The following ZNF234 variants were observed in gnomAD, a reference collection of about 807,000 sequenced individuals.
ZNF234 encodes the protein zinc finger protein 234, also known as C2-H2 type zinc finger protein.
In ZNF234, 4 loss-of-function variants were observed where a neutral mutation model predicts 10.3. That is an observed-to-expected ratio of 0.39 (90% confidence interval 0.19 to 0.89). The LOEUF is 0.89. Among genes scored for constraint, ZNF234 ranks in the 40% least tolerant of loss-of-function variants. The pLI, the probability that ZNF234 is intolerant of heterozygous loss-of-function variation, is 0.38. For synonymous variants in ZNF234, 258 were observed against 280.1 expected (o/e 0.92, Z 0.79); for missense variants, 711 against 836.1 (o/e 0.85, Z 1.85).
chr19:44,141,966 C>G lies in ZNF234; in HGVS notation c.-131+233C>G, dbSNP rs900853579. 7 of 152,340 alleles carry G rather than the reference C, an allele frequency of 4.6e-5. No individual in the cohort carries two copies. Among genetic ancestry groups the G allele is most frequent in the African/African-American group, 1.4e-4 (6 of 41,456 alleles). The allele number at this position is 152,340 out of a possible 1,614,324, so 9.4% of individuals were successfully genotyped here. On this transcript the variant is annotated intron_variant, in intron 1 of 5. Transcript: ENST00000426739. This position sits in a 1 kb window ranked among gnomAD's most constrained non-coding sequence, Gnocchi z 4.6. ...TTGGCGTGTTAATCTCCCTGGGCCT[C>G]TCCTTGCTGTTCTTTAAAATGGGGA... is the stretch of plus-strand genomic sequence containing the variant.
intron 5 of ZNF234, 21 bp downstream of exon 5, chr19:44,150,526 A>T: frequency 6.5e-7 from 1 of 1,547,536 alleles, no homozygotes. Context: ...AGCAGCTAAG[A>T]GTCCTTGTAC....
chr19:44,148,122 A>G (rs1345543541), intron 3 of ZNF234, among the ~76,000 whole-genome samples: 2 of 152,192 alleles, frequency 1.3e-5, no homozygotes, highest in Non-Finnish European at 2.9e-5. Context: ...TTCTTTTTCA[A>G]CGTTTGAAAG....
intron 3 of ZNF234, 126 bp downstream of exon 3, chr19:44,144,773 G>C (rs1016374703): frequency 2.5e-6 from 2 of 798,242 alleles, no homozygotes; most frequent in Non-Finnish European, 3.6e-6. Context: ...TCTGCCTTTT[G>C]AGTTGACTTT....
rs779895567 is a variant in ZNF234, at chr19:44,156,507, A to T, written c.491A>T (p.Asp164Val). The T allele has an allele frequency of 1.7e-5, 28 of 1,614,114 alleles. No homozygotes were observed. Among genetic ancestry groups the T allele is most frequent in the South Asian group, 5.5e-5 (5 of 91,092 alleles). ...KKSFTDVFNF[D>V]LHQQLHSGEK... ...TCCTTCACTGATGTCTTCAACTTTG[A>T]TCTTCATCAACAGTTACACTCAGGA... Residue 164 changes from aspartate to valine, a missense_variant, in exon 6 of 6, where the codon GAT (aspartate) becomes GTT (valine). Physicochemically the swap from Asp to Val is radical, Grantham distance 152. Transcript: ENST00000426739.
Position 44,150,463 on chromosome 19 carries a change from C to T in ZNF234, c.193C>T (p.Leu65Phe), listed in dbSNP as rs1968712614. Reference protein sequence around the residue: ...DVFLLEKEKKLDIMKTATQRK... With the variant: ...DVFLLEKEKKFDIMKTATQRK... Reference sequence around the variant, plus strand: ...ATTCCTTTTAGAAAAGGAAAAAAAGCTTGATATAATGAAGACAGCAACTCA... The same window carrying T: ...ATTCCTTTTAGAAAAGGAAAAAAAGTTTGATATAATGAAGACAGCAACTCA... Residue 65 changes from leucine to phenylalanine, a missense_variant, in exon 5 of 6, where the codon CTT (leucine) becomes TTT (phenylalanine). Transcript: ENST00000426739. 1.3e-6 allele frequency: 2 copies of T among 1,590,332 alleles called. No individual in the cohort carries two copies. The highest frequency in any genetic ancestry group is 2.3e-5 in the South Asian group (2 of 87,246).
rs1201848820 is a variant in ZNF234 at position 44,156,104 on chromosome 19, A to T, written c.236-148A>T. The T allele has an allele frequency of 4.5e-6, 3 of 664,064 alleles. No individual in the cohort carries two copies. The African/African-American group carries it at 5.5e-5, about 12-fold the overall frequency. The allele number at this position is 664,064 out of a possible 1,614,324, so 41.1% of individuals were successfully genotyped here. On this transcript the variant is annotated intron_variant, in intron 5 of 5. Coordinates refer to ENST00000426739, the MANE Select transcript of ZNF234 (RefSeq NM_006630.3). ...ACCTCTTGATTTATCTAGGCATGGAAATCAGAGATCATGATACACAGTGGA... is the reference window on the plus strand; with the variant it reads ...ACCTCTTGATTTATCTAGGCATGGATATCAGAGATCATGATACACAGTGGA...
intron 5 of ZNF234, among the ~76,000 whole-genome samples, chr19:44,155,302 C>T (rs1258217215): frequency 2.6e-5 from 4 of 152,132 alleles, no homozygotes; most frequent in African/African-American, 7.2e-5. Flanking sequence ...GACACCAACT[C>T]CCCTCACAGT....
intron 5 of ZNF234, among the ~76,000 whole-genome samples, chr19:44,153,475 C>T (rs1194586861): frequency 1.3e-5 from 2 of 151,914 alleles, no homozygotes; most frequent in South Asian, 2.1e-4. Flanking sequence ...AGTTTCTATC[C>T]TGGTTCTTTT....
Position 44,151,242 on chromosome 19 carries a change from G to C in ZNF234, c.235+737G>C, listed in dbSNP as rs1481051307. 2.0e-5 allele frequency among the ~76,000 whole-genome samples: 3 copies of C among 151,776 alleles called. No individual in the cohort carries two copies. The South Asian group carries it at 6.3e-4, about 32-fold the overall frequency. ...TGGTAAGGACATTGCTCGCTCTGTCGCCCAGGCTGGAGTATAGTGGTGCAA... is the reference window on the plus strand; with the variant it reads ...TGGTAAGGACATTGCTCGCTCTGTCCCCCAGGCTGGAGTATAGTGGTGCAA... On this transcript the variant is annotated intron_variant, in intron 5 of 5. Transcript: ENST00000426739.
rs1235269564 is a variant in ZNF234 at position 44,158,123 on chromosome 19, A to AG, written c.*4_*5insG. 5 of 1,552,322 alleles carry AG rather than the reference A, an allele frequency of 3.2e-6. No homozygotes were observed. The highest frequency in any genetic ancestry group is 3.4e-4 in the Middle Eastern group (2 of 5,806). Reference sequence around the variant, plus strand: ...GGGAGGAAGTTCTACAAGGTGATTAAAAAAAAAAAAACAGAACTCATGTAC... The same window carrying AG: ...GGGAGGAAGTTCTACAAGGTGATTAAGAAAAAAAAAAACAGAACTCATGTAC... On this transcript the variant is annotated 3_prime_UTR_variant, in exon 6 of 6. Transcript: ENST00000426739.
Position 44,158,258 on chromosome 19 carries a change from GTT to G in ZNF234, c.*144_*145del. ...CACATTTCCACCTAGACTTTTTTTT[GTT>G]TTTTATTTTTTGTTTTGAAACAGAA... On this transcript the variant is annotated 3_prime_UTR_variant, in exon 6 of 6. Coordinates refer to ENST00000426739, the MANE Select transcript of ZNF234 (RefSeq NM_006630.3). The G allele has an allele frequency of 1.9e-6, 2 of 1,034,542 alleles. No individual in the cohort carries two copies. Among genetic ancestry groups the G allele is most frequent in the Non-Finnish European group, 2.9e-6 (2 of 681,662 alleles). The allele number at this position is 1,034,542 out of a possible 1,614,324, so 64.1% of individuals were successfully genotyped here. A position where few individuals can be genotyped will look rare whatever the true frequency, so the allele number is the denominator to read the frequency against.
At position 44,159,100 on chromosome 19, in the gene ZNF234, C is replaced by T. The variant is rs1481215458; in HGVS notation, c.*981C>T. The T allele has an allele frequency of 1.3e-5, 2 of 152,240 alleles. No homozygotes were observed. The highest frequency in any genetic ancestry group is 4.8e-5 in the African/African-American group (2 of 41,444). 9.4% of individuals were successfully genotyped at this position (152,240 alleles called of 1,614,324 possible). On this transcript the variant is annotated 3_prime_UTR_variant, in exon 6 of 6. Transcript: ENST00000426739. ...TTGACACCTGTCCTCTCTGTAGTCT[C>T]TTCTCTCAAATTTGGTTCTTATTGA...
chr19:44,153,071 T>C (rs1193573665), intron 5 of ZNF234, among the ~76,000 whole-genome samples: 3 of 151,152 alleles, frequency 2.0e-5, no homozygotes, highest in African/African-American at 7.3e-5. Flanking sequence ...AGAAACTTCT[T>C]GCTCAAAATT....
Position 44,158,482 on chromosome 19 carries a change from G to A in ZNF234, c.*363G>A. 1.4e-5 allele frequency: 4 copies of A among 293,118 alleles called. No homozygotes were observed. Among genetic ancestry groups the A allele is most frequent in the Non-Finnish European group, 2.0e-5 (3 of 151,578 alleles). 18.2% of individuals were successfully genotyped at this position (293,118 alleles called of 1,614,324 possible). A position where few individuals can be genotyped will look rare whatever the true frequency, so the allele number is the denominator to read the frequency against. ...TGGTCTCAAACTCCTGACCTCATGT[G>A]ATCCACCCACCTCGGCCTCCCAAAG... is the stretch of plus-strand genomic sequence containing the variant. On this transcript the variant is annotated 3_prime_UTR_variant, in exon 6 of 6. Transcript: ENST00000426739.
Position 44,156,697 on chromosome 19 carries a change from T to C in ZNF234, c.681T>C (p.Thr227=), listed in dbSNP as rs746389020. 6.2e-7 allele frequency: 1 copy of C among 1,614,002 alleles called. No homozygotes were observed. Among genetic ancestry groups the C allele is most frequent in the African/African-American group, 1.3e-5 (1 of 74,904 alleles). Residue 227 remains threonine, a synonymous_variant, in exon 6 of 6, where the codon ACT becomes ACC. Coordinates refer to ENST00000426739, the MANE Select transcript of ZNF234 (RefSeq NM_006630.3). ...SHLQTHQRVH[T]VEKPFKCVEC... ...TTCAAACTCATCAGAGAGTCCACAC[T>C]GTAGAGAAACCATTCAAATGTGTGG...
chr19:44,145,376 T>C (rs1343686568), intron 3 of ZNF234, among the ~76,000 whole-genome samples: 2 of 152,248 alleles, frequency 1.3e-5, no homozygotes, highest in East Asian at 3.8e-4. Context: ...TTAAGAATTT[T>C]ATTGTTTTAC....
chr19:44,157,164 A>G lies in ZNF234; in HGVS notation c.1148A>G (p.Tyr383Cys). The change falls in exon 6 of 6, where the codon TAC becomes TGC. Residue 383 changes from tyrosine (Y) to cysteine (C), a missense_variant. Physicochemically the swap from Tyr to Cys is radical, Grantham distance 194. Coordinates refer to ENST00000426739, the MANE Select transcript of ZNF234 (RefSeq NM_006630.3). ...AAAGTGTGTGGTAAGGGTTTCATTT[A>G]CAGTTCAAGTTTTCAGGCCCATCAG... ...VCKVCGKGFI[Y>C]SSSFQAHQGV... 1.2e-6 allele frequency: 2 copies of G among 1,614,160 alleles called. No homozygotes were observed. The highest frequency in any genetic ancestry group is 2.2e-5 in the South Asian group (2 of 91,084).
At chr19:44,144,857 C>T (rs1968552931) in intron 3 of ZNF234, among the ~76,000 whole-genome samples, 3 of 152,104 alleles carry the variant, frequency 2.0e-5, no homozygotes, top group South Asian at 2.1e-4. Context: ...AGGGGTTTTG[C>T]GTCTTTGAAT....
In ZNF234 at chr19:44,157,871, A is replaced by C. The variant is rs753522817; in HGVS notation, c.1855A>C (p.Thr619Pro). The C allele has an allele frequency of 1.2e-6, 2 of 1,614,204 alleles. No individual in the cohort carries two copies. Among genetic ancestry groups the C allele is most frequent in the Non-Finnish European group, 1.7e-6 (2 of 1,180,038 alleles). The change falls in exon 6 of 6, where the codon ACA (threonine) becomes CCA (proline). Residue 619 changes from threonine to proline, a missense_variant. By Grantham distance (38) the Thr-to-Pro change is conservative. Coordinates refer to ENST00000426739, the MANE Select transcript of ZNF234 (RefSeq NM_006630.3). ...TCTCCAACTTCATCAGAGTGTCCAC[A>C]CAGGAGAGAAACCATACAAATGTGA... ...SSLQLHQSVH[T>P]GEKPYKCDVC...
Sources: allele counts gnomAD v4.1 joint callset (sites outside exome capture counted in the v4.1 genomes callset), GRCh38; gene constraint gnomAD v4.1.1; non-coding constraint Gnocchi (gnomAD v3.1); transcripts MANE v1.5; gene names NCBI Gene and HGNC (gene_info 2026-07-23, HGNC 2026-07-21).